Variants in UBE2E2 observed in about 807,000 individuals in gnomAD.
UBE2E2 encodes ubiquitin-conjugating enzyme E2 E2.
In UBE2E2, 6 loss-of-function variants were observed where a neutral mutation model predicts 24.7. The ratio of observed to expected loss-of-function variants is 0.24; its 90% CI spans 0.13 to 0.48. UBE2E2 has a LOEUF of 0.48. Among genes scored for constraint, UBE2E2 ranks in the 20% least tolerant of loss-of-function variants. The pLI is 0.99. For synonymous variants in UBE2E2, 104 were observed against 83.6 expected (o/e 1.24, Z -1.33); for missense variants, 169 against 245.0 (o/e 0.69, Z 2.07).
intron 5 of UBE2E2, among the ~76,000 whole-genome samples, chr3:23,536,126 T>A (rs753843125): frequency 4.6e-5 from 7 of 152,226 alleles, no homozygotes; most frequent in Non-Finnish European, 1.0e-4. Flanking sequence ...TTGAAGTTTG[T>A]TTTTGCTATT....
chr3:23,465,774 G>A (rs1412254709), intron 3 of UBE2E2, among the ~76,000 whole-genome samples: 1 of 152,056 alleles, frequency 6.6e-6, no homozygotes, highest in African/African-American at 2.4e-5. Flanking sequence ...AAAGAATTAA[G>A]CCATTTTAAT....
chr3:23,511,634 A>G (rs561305001), intron 4 of UBE2E2, among the ~76,000 whole-genome samples: 1 of 152,338 alleles, frequency 6.6e-6, no homozygotes, highest in South Asian at 2.1e-4. Context: ...TTTTGAACCT[A>G]TGAATTTCCA....
At chr3:23,488,603 T>C (rs1301600721) in intron 3 of UBE2E2, among the ~76,000 whole-genome samples, 5 of 152,214 alleles carry the variant, frequency 3.3e-5, no homozygotes, top group Non-Finnish European at 7.3e-5. Flanking sequence ...ACCGGGAAGC[T>C]TTACATTTCA....
At chr3:23,524,865 G>GACGCACACACACAC (rs1553618101) in intron 4 of UBE2E2, among the ~76,000 whole-genome samples, 1 of 147,426 alleles carries the variant, frequency 6.8e-6, no homozygotes, top group African/African-American at 2.5e-5. Flanking sequence ...CAGACACACA[G>GACGCACACACACAC]ACACACACAC....
At position 23,246,222 on chromosome 3, in the gene UBE2E2, A is replaced by ATTTTTTTTTTTT. The variant is rs398051684; in HGVS notation, c.227+28914_227+28925dup. Among the ~76,000 whole-genome samples the ATTTTTTTTTTTT allele has an allele frequency of 2.1e-4, 21 of 102,228 alleles. 6 individuals are homozygous for ATTTTTTTTTTTT. Among genetic ancestry groups the ATTTTTTTTTTTT allele is most frequent in the Admixed American group, 2.8e-4 (3 of 10,774 alleles). The allele number at this position is 102,228 out of a possible 152,430, so 67.1% of individuals were successfully genotyped here. On this transcript the variant is annotated intron_variant, in intron 3 of 5. Coordinates refer to ENST00000396703, the MANE Select transcript of UBE2E2 (RefSeq NM_152653.4). ...AGGTGTATGCCACCATGCGTGGCTA[A>ATTTTTTTTTTTT]TTTTTTTTTTTTTTTCGAGATGGAG...
chr3:23,553,250 T>C (rs1242826323), intron 5 of UBE2E2, among the ~76,000 whole-genome samples: 2 of 152,118 alleles, frequency 1.3e-5, no homozygotes, highest in Non-Finnish European at 1.5e-5. Flanking sequence ...TTGGTCACAC[T>C]TTAATAAAAC....
At chr3:23,486,819 T>C (rs547590086) in intron 3 of UBE2E2, among the ~76,000 whole-genome samples, 25 of 152,266 alleles carry the variant, frequency 1.6e-4, no homozygotes, top group Non-Finnish European at 3.1e-4. Context: ...TGGTCGGGCC[T>C]GGAAAAAGCA....
chr3:23,296,987 T>G (rs1258502197), intron 3 of UBE2E2, among the ~76,000 whole-genome samples: 3 of 152,210 alleles, frequency 2.0e-5, no homozygotes, highest in Non-Finnish European at 4.4e-5. Context: ...CCTGACTTTT[T>G]AATGATTGCC....
chr3:23,504,578 C>T (rs1371339888), intron 4 of UBE2E2, among the ~76,000 whole-genome samples: 2 of 151,954 alleles, frequency 1.3e-5, no homozygotes, highest in African/African-American at 4.8e-5. Context: ...GTAGAACTTC[C>T]CTACACTCCC....
At chr3:23,475,782 T>C (rs1284638429) in intron 3 of UBE2E2, among the ~76,000 whole-genome samples, 2 of 151,994 alleles carry the variant, frequency 1.3e-5, no homozygotes, top group African/African-American at 4.8e-5. Context: ...ACAGGCTCTA[T>C]AGAAACAATT....
intron 3 of UBE2E2, among the ~76,000 whole-genome samples, chr3:23,378,368 C>A (rs1034794242): frequency 1.3e-5 from 2 of 151,510 alleles, no homozygotes; most frequent in African/African-American, 4.8e-5. Context: ...TGTGCTTTGA[C>A]TGAATAATTC....
intron 4 of UBE2E2, among the ~76,000 whole-genome samples, chr3:23,524,960 A>G (rs2125478629): frequency 6.6e-6 from 1 of 152,020 alleles, no homozygotes; most frequent in South Asian, 2.1e-4. Context: ...GTATGAATTT[A>G]TTGTCTTATA....
At chr3:23,363,531 A>G (rs140005428) in intron 3 of UBE2E2, among the ~76,000 whole-genome samples, 3 of 152,372 alleles carry the variant, frequency 2.0e-5, no homozygotes, top group African/African-American at 7.2e-5. Context: ...TTAAACCACC[A>G]ATGATCAGAA....
chr3:23,579,308 C>G (rs760448388), intron 5 of UBE2E2, among the ~76,000 whole-genome samples: 2 of 151,516 alleles, frequency 1.3e-5, no homozygotes, highest in Non-Finnish European at 2.9e-5. Flanking sequence ...TGGCGTGAAC[C>G]CAGGAGGTGG....
At chr3:23,570,829 T>A (rs1483274463) in intron 5 of UBE2E2, among the ~76,000 whole-genome samples, 2 of 152,220 alleles carry the variant, frequency 1.3e-5, no homozygotes, top group African/African-American at 2.4e-5. Flanking sequence ...ACTAGAAGAA[T>A]GTGTCCTCCA....
At chr3:23,397,460 C>G (rs1008140503) in intron 3 of UBE2E2, among the ~76,000 whole-genome samples, 20 of 152,286 alleles carry the variant, frequency 1.3e-4, no homozygotes, top group Non-Finnish European at 1.8e-4. Context: ...CCATTAACTG[C>G]CACCCAGGTT....
Position 23,474,260 on chromosome 3 carries a change from T to A in UBE2E2, c.228-25348T>A, listed in dbSNP as rs1343207762. On this transcript the variant is annotated intron_variant, in intron 3 of 5. Transcript: ENST00000396703. The surrounding 1 kb of genome is among the most constrained non-coding windows in gnomAD (Gnocchi z 4.0). The stretch of plus-strand genomic sequence containing the variant: ...TGTTGTTTTTCTCCTGTTAATTGTT[T>A]AAGTACCTTGTAGATTCTGGATATT... 6.6e-6 allele frequency among the ~76,000 whole-genome samples: 1 copy of A among 152,102 alleles called. No homozygotes were observed. The highest frequency in any genetic ancestry group is 1.5e-5 in the Non-Finnish European group (1 of 68,046).
At chr3:23,271,125 T>C in intron 3 of UBE2E2, 1 of 433,178 alleles carries the variant, frequency 2.3e-6, no homozygotes, top group South Asian at 1.7e-5. Flanking sequence ...TTTCAGAAAC[T>C]TGTATTCTAA....
At chr3:23,363,279 A>G (rs79894152) in intron 3 of UBE2E2, among the ~76,000 whole-genome samples, 4,442 of 152,334 alleles carry the variant, frequency 0.029, 113 homozygotes, top group East Asian at 0.13. Context: ...CATGATGATG[A>G]AATCAGACCT....
Sources: allele counts gnomAD v4.1 joint callset (sites outside exome capture counted in the v4.1 genomes callset), GRCh38; gene constraint gnomAD v4.1.1; non-coding constraint Gnocchi (gnomAD v3.1); transcripts MANE v1.5; gene names NCBI Gene and HGNC (gene_info 2026-07-23, HGNC 2026-07-21).